Variants in KRAS observed in about 807,000 individuals in gnomAD.
KRAS encodes the protein KRas proto-oncogene, GTPase, also known as GTPase KRas.
A neutral mutation model predicts 21.0 loss-of-function variants in KRAS; 1 was observed. The observed-to-expected ratio is 0.05, with a 90% CI of 0.02 to 0.23. The LOEUF (loss-of-function observed/expected upper bound fraction) is 0.23, where lower values mean the gene tolerates loss of function less well. Ranked by LOEUF, KRAS falls within the 10% of genes least tolerant of loss-of-function variation. The probability of loss-of-function intolerance (pLI) is 1.00; values close to 1 mark genes in which losing one functional copy is unlikely to be tolerated. For missense variants in KRAS, 107 were observed against 221.8 expected (o/e 0.48, Z 3.29); for synonymous variants, 67 against 72.5 (o/e 0.92, Z 0.39).
intron 4 of KRAS, among the ~76,000 whole-genome samples, chr12:25,218,220 T>C (rs1464833919): frequency 2.1e-5 from 3 of 146,174 alleles, no homozygotes; most frequent in African/African-American, 5.0e-5. Flanking sequence ...TAAACTTCTA[T>C]TTCTGTTTAA....
intron 2 of KRAS, among the ~76,000 whole-genome samples, chr12:25,243,624 T>C (rs190354372): frequency 2.0e-5 from 3 of 152,322 alleles, no homozygotes; most frequent in Non-Finnish European, 4.4e-5. Context: ...CAAAGTGTAA[T>C]GGAATTTCTC....
chr12:25,229,947 T>C (rs1951444537), intron 2 of KRAS, among the ~76,000 whole-genome samples: 2 of 150,632 alleles, frequency 1.3e-5, no homozygotes, highest in Admixed American at 1.4e-4. Context: ...TTTTGTACTG[T>C]TTTTTTAGTA....
rs1208002659 is a variant in KRAS at position 25,209,149 on chromosome 12, A to G, written c.*646T>C. ...TGTGAAAAGGAAATGGCCTTATAAT[A>G]GTTTCCATTGCCTTGTAATTTTTTT... On this transcript the variant is annotated 3_prime_UTR_variant, in exon 5 of 5. Transcript: ENST00000311936. 1 of 639,766 alleles carries G rather than the reference A, an allele frequency of 1.6e-6. No homozygotes were observed. The highest frequency in any genetic ancestry group is 2.8e-6 in the Non-Finnish European group (1 of 358,440). 39.6% of individuals were successfully genotyped at this position (639,766 alleles called of 1,614,324 possible).
At position 25,205,456 on chromosome 12, in the gene KRAS, T is replaced by C. The variant is rs1446757500; in HGVS notation, c.*4339A>G. The C allele has an allele frequency of 4.6e-6, 1 of 215,470 alleles. No individual in the cohort carries two copies. Among genetic ancestry groups the C allele is most frequent in the Non-Finnish European group, 9.4e-6 (1 of 106,648 alleles). The allele number at this position is 215,470 out of a possible 1,614,324, so 13.3% of individuals were successfully genotyped here. ...ATGATGGAAAACAACTGGATCACAC[T>C]GCATATGTCCCACAAAAGAAAGCAC... On this transcript the variant is annotated 3_prime_UTR_variant, in exon 5 of 5. Coordinates refer to ENST00000311936, the MANE Select transcript of KRAS (RefSeq NM_004985.5).
At chr12:25,245,059 A>C (rs994134890) in intron 2 of KRAS, among the ~76,000 whole-genome samples, 1 of 152,226 alleles carries the variant, frequency 6.6e-6, no homozygotes, top group African/African-American at 2.4e-5. Flanking sequence ...AAATGCACAG[A>C]GAGTGAACAT....
At chr12:25,212,784 C>G (rs951964902) in intron 4 of KRAS, among the ~76,000 whole-genome samples, 1 of 152,120 alleles carries the variant, frequency 6.6e-6, no homozygotes, top group African/African-American at 2.4e-5. Flanking sequence ...GGTGGGGTCT[C>G]ATTACGTTGC....
intron 4 of KRAS, among the ~76,000 whole-genome samples, chr12:25,217,081 C>T (rs781291637): frequency 6.6e-6 from 1 of 152,048 alleles, no homozygotes; most frequent in Non-Finnish European, 1.5e-5. Flanking sequence ...TTCTACTGAA[C>T]CAAATGTAAC....
chr12:25,216,637 A>G (rs1380427694), intron 4 of KRAS, among the ~76,000 whole-genome samples: 1 of 152,206 alleles, frequency 6.6e-6, no homozygotes, highest in Non-Finnish European at 1.5e-5. Context: ...TGTGCCTTCC[A>G]TTCTAATTTA....
intron 4 of KRAS, chr12:25,225,400 A>T: frequency 2.3e-6 from 1 of 431,084 alleles, no homozygotes; most frequent in Non-Finnish European, 4.2e-6. Flanking sequence ...CTCAGAATTG[A>T]AGAGAAATTT....
At position 25,207,652 on chromosome 12, in the gene KRAS, A is replaced by C. The variant is rs1368549154; in HGVS notation, c.*2143T>G. The C allele has an allele frequency of 5.2e-5, 12 of 232,032 alleles. No individual in the cohort carries two copies. Among genetic ancestry groups the C allele is most frequent in the Non-Finnish European group, 7.7e-5 (9 of 117,390 alleles). 14.4% of individuals were successfully genotyped at this position (232,032 alleles called of 1,614,324 possible). Reference sequence around the variant, plus strand: ...TTACCTAAGGAATTCTTTCAGCACTATCTTTATTAAATTCTCCTTCCACTG... The same window carrying C: ...TTACCTAAGGAATTCTTTCAGCACTCTCTTTATTAAATTCTCCTTCCACTG... On this transcript the variant is annotated 3_prime_UTR_variant, in exon 5 of 5. Transcript: ENST00000311936.
At chr12:25,219,867 G>A (rs1193585401) in intron 4 of KRAS, among the ~76,000 whole-genome samples, 2 of 152,150 alleles carry the variant, frequency 1.3e-5, no homozygotes. Context: ...CAGAGACATA[G>A]CACATAAGGA....
At chr12:25,228,915 C>T (rs34088434) in intron 2 of KRAS, among the ~76,000 whole-genome samples, 3,015 of 152,048 alleles carry the variant, frequency 0.02, 61 homozygotes, top group East Asian at 0.1. Context: ...AAATATTAGC[C>T]GGGCGTGGTG....
At chr12:25,239,696 A>G (rs1951586552) in intron 2 of KRAS, among the ~76,000 whole-genome samples, 1 of 152,130 alleles carries the variant, frequency 6.6e-6, no homozygotes, top group Admixed American at 6.6e-5. Flanking sequence ...TGCCTTGAAA[A>G]CGGTCTAGAA....
chr12:25,218,193 T>C (rs1416424111), intron 4 of KRAS, among the ~76,000 whole-genome samples: 1 of 151,672 alleles, frequency 6.6e-6, no homozygotes, highest in African/African-American at 2.4e-5. Flanking sequence ...CATATTTTCA[T>C]AAATTTTCTA....
In KRAS at chr12:25,208,604, G is replaced by A. The variant is rs968741609; in HGVS notation, c.*1191C>T. ...TTTAAAAAAGAGTTTGTTTTCTTAA[G>A]AAACAAAAGCAATGCTCTTGATTTG... On this transcript the variant is annotated 3_prime_UTR_variant, in exon 5 of 5. Transcript: ENST00000311936. 2 of 233,030 alleles carry A rather than the reference G, an allele frequency of 8.6e-6. No individual in the cohort carries two copies. The highest frequency in any genetic ancestry group is 8.5e-6 in the Non-Finnish European group (1 of 117,704). The allele number at this position is 233,030 out of a possible 1,614,324, so 14.4% of individuals were successfully genotyped here.
At chr12:25,240,864 T>C (rs1008246318) in intron 2 of KRAS, among the ~76,000 whole-genome samples, 4 of 152,202 alleles carry the variant, frequency 2.6e-5, no homozygotes, top group South Asian at 2.1e-4. Flanking sequence ...ATACAGTACC[T>C]GAGTTTTCTG....
In KRAS at chr12:25,250,844, C is replaced by A. The variant is rs989979231; in HGVS notation, c.-105G>T. 21 of 234,654 alleles carry A rather than the reference C, an allele frequency of 8.9e-5. No individual in the cohort carries two copies. Among genetic ancestry groups the A allele is most frequent in the Non-Finnish European group, 1.5e-4 (18 of 120,944 alleles). 14.5% of individuals were successfully genotyped at this position (234,654 alleles called of 1,614,324 possible). A position where few individuals can be genotyped will look rare whatever the true frequency, so the allele number is the denominator to read the frequency against. On this transcript the variant is annotated 5_prime_UTR_variant, in exon 1 of 5. Coordinates refer to ENST00000311936, the MANE Select transcript of KRAS (RefSeq NM_004985.5). The stretch of plus-strand genomic sequence containing the variant: ...CGCTCCCAGTCCGAAATGGCGGGGG[C>A]CGGGAGTACTGGCCGAGCCGCCGCC...
Position 25,206,938 on chromosome 12 carries a change from A to C in KRAS, c.*2857T>G. 4.9e-6 allele frequency: 1 copy of C among 204,822 alleles called. No individual in the cohort carries two copies. The highest frequency in any genetic ancestry group is 7.5e-5 in the East Asian group (1 of 13,298). The allele number at this position is 204,822 out of a possible 1,614,324, so 12.7% of individuals were successfully genotyped here. A position where few individuals can be genotyped will look rare whatever the true frequency, so the allele number is the denominator to read the frequency against. ...AATCACAGTTATGCCAAATAAAAAA[A>C]CAATATAATCAAGTTTATTCCTTTA... On this transcript the variant is annotated 3_prime_UTR_variant, in exon 5 of 5. Coordinates refer to ENST00000311936, the MANE Select transcript of KRAS (RefSeq NM_004985.5).
chr12:25,219,039 A>G (rs1160456964), intron 4 of KRAS, among the ~76,000 whole-genome samples: 2 of 151,756 alleles, frequency 1.3e-5, no homozygotes, highest in African/African-American at 4.8e-5. Context: ...TCCGGGTTCA[A>G]GCGATTCTCC....
Sources: gnomAD v4.1 joint callset for allele counts (sites outside exome capture counted in the v4.1 genomes callset) on GRCh38, gnomAD v4.1.1 for gene constraint, MANE v1.5 for transcripts, NCBI Gene and HGNC (gene_info 2026-07-23, HGNC 2026-07-21) for gene names.